Variants in NOVA1 observed in about 807,000 individuals in gnomAD.
The protein encoded by NOVA1 is NOVA alternative splicing regulator 1.
A neutral mutation model predicts 38.0 loss-of-function variants in NOVA1; 7 were observed. The observed-to-expected ratio is 0.18, with a 90% confidence interval of 0.10 to 0.35. NOVA1 has a LOEUF of 0.35. NOVA1 is among the 10% of genes least tolerant of loss of function. The pLI is 1.00. For missense variants in NOVA1, 460 were observed against 616.0 expected (o/e 0.75, Z 2.68); for synonymous variants, 270 against 232.5 (o/e 1.16, Z -1.47).
chr14:26,591,706 A>G (rs188194175), intron 2 of NOVA1, among the ~76,000 whole-genome samples: 1 of 151,586 alleles, frequency 6.6e-6, no homozygotes, highest in East Asian at 1.9e-4. Flanking sequence ...TGGCCACTAT[A>G]TTTTCCCCTT....
intron 2 of NOVA1, among the ~76,000 whole-genome samples, chr14:26,487,391 C>A (rs1886001118): frequency 6.6e-6 from 1 of 152,062 alleles, no homozygotes; most frequent in Non-Finnish European, 1.5e-5. Context: ...TCCTTATCTT[C>A]ATAAGCCAAT....
intron 4 of NOVA1, among the ~76,000 whole-genome samples, chr14:26,453,649 CT>C (rs1272890456): frequency 6.6e-6 from 1 of 152,034 alleles, no homozygotes; most frequent in African/African-American, 2.4e-5. Flanking sequence ...GATATATTTA[CT>C]CTTTCAACAA....
intron 2 of NOVA1, among the ~76,000 whole-genome samples, chr14:26,580,872 C>A (rs1162551874): frequency 1.3e-5 from 2 of 151,842 alleles, no homozygotes; most frequent in African/African-American, 4.8e-5. Context: ...TTTAGGGCCA[C>A]ATTAATGTAA....
chr14:26,527,408 A>AC (rs1357850329), intron 2 of NOVA1, among the ~76,000 whole-genome samples: 2 of 152,112 alleles, frequency 1.3e-5, no homozygotes, highest in African/African-American at 4.8e-5. Flanking sequence ...TCAGACTTGC[A>AC]CTGCCTTGGT....
chr14:26,588,637 CT>C (rs983973361), intron 2 of NOVA1, among the ~76,000 whole-genome samples: 61 of 151,368 alleles, frequency 4.0e-4, no homozygotes, highest in African/African-American at 1.4e-3. Context: ...ACTTTGCAGT[CT>C]TAAAATGTTT....
At chr14:26,485,269 G>T (rs1448549993) in intron 2 of NOVA1, among the ~76,000 whole-genome samples, 2 of 151,914 alleles carry the variant, frequency 1.3e-5, no homozygotes, top group Non-Finnish European at 2.9e-5. Context: ...ATATGTGATT[G>T]ATTTCTAAGG....
chr14:26,560,639 T>C (rs962787035), intron 2 of NOVA1, among the ~76,000 whole-genome samples: 8 of 152,128 alleles, frequency 5.3e-5, no homozygotes, highest in African/African-American at 1.9e-4. Context: ...GGAAATCTCA[T>C]CCCTGACTCT....
chr14:26,504,372 A>T (rs1163997831), intron 2 of NOVA1, among the ~76,000 whole-genome samples: 3 of 152,226 alleles, frequency 2.0e-5, no homozygotes, highest in Non-Finnish European at 4.4e-5. Context: ...TAGAAACCTC[A>T]ATTAATCAAA....
intron 2 of NOVA1, among the ~76,000 whole-genome samples, chr14:26,536,411 C>A (rs1473102119): frequency 6.6e-6 from 1 of 150,982 alleles, no homozygotes; most frequent in South Asian, 2.1e-4. Flanking sequence ...GGAAGGATAC[C>A]CCCTTGCTAA....
intron 2 of NOVA1, among the ~76,000 whole-genome samples, chr14:26,527,536 T>G (rs1889394792): frequency 6.6e-6 from 1 of 152,040 alleles, no homozygotes; most frequent in Non-Finnish European, 1.5e-5. Context: ...CCTTAGTGAT[T>G]CTCTAACACG....
intron 2 of NOVA1, among the ~76,000 whole-genome samples, chr14:26,547,734 T>G (rs2138626767): frequency 6.6e-6 from 1 of 152,190 alleles, no homozygotes; most frequent in African/African-American, 2.4e-5. Flanking sequence ...CTGTAGAAAG[T>G]GCCAAAGAAT....
At position 26,451,624 on chromosome 14, in the gene NOVA1, C is replaced by T. The variant is rs533024371; in HGVS notation, c.520-2661G>A. Among the ~76,000 whole-genome samples the T allele has an allele frequency of 1.5e-4, 23 of 152,196 alleles. No individual in the cohort carries two copies. The East Asian group carries it at 3.5e-3, about 23-fold the overall frequency. ...CTGACCTCAGGTGATCCGCCTGCCT[C>T]GGCCACCCAAAATGCTGGGATTACA... is the stretch of plus-strand genomic sequence containing the variant. On this transcript the variant is annotated intron_variant, in intron 4 of 4. Transcript: ENST00000539517.
intron 2 of NOVA1, among the ~76,000 whole-genome samples, chr14:26,525,989 G>A (rs940318455): frequency 6.6e-6 from 1 of 151,512 alleles, no homozygotes; most frequent in Middle Eastern, 3.4e-3. Flanking sequence ...CTTTCCACCT[G>A]GTAGTTTTAG....
chr14:26,468,392 G>T (rs1884318482), intron 4 of NOVA1, among the ~76,000 whole-genome samples: 1 of 152,132 alleles, frequency 6.6e-6, no homozygotes, highest in African/African-American at 2.4e-5. Flanking sequence ...AAACCTACAG[G>T]TGAGAATGCA....
At chr14:26,537,029 A>C (rs1653837651) in intron 2 of NOVA1, among the ~76,000 whole-genome samples, 1 of 152,112 alleles carries the variant, frequency 6.6e-6, no homozygotes, top group African/African-American at 2.4e-5. Flanking sequence ...GAAATCCACT[A>C]CTTTATGTTT....
intron 2 of NOVA1, among the ~76,000 whole-genome samples, chr14:26,494,945 G>A (rs1439110517): frequency 3.3e-5 from 5 of 152,156 alleles, no homozygotes; most frequent in Non-Finnish European, 7.3e-5. Context: ...TAAGAGTTAA[G>A]TCTAAACCCT....
At chr14:26,492,847 C>A (rs1886451987) in intron 2 of NOVA1, among the ~76,000 whole-genome samples, 1 of 151,940 alleles carries the variant, frequency 6.6e-6, no homozygotes. Flanking sequence ...CACCTGTAAT[C>A]CCAGTTACTC....
chr14:26,480,514 C>T (rs1885372106), intron 2 of NOVA1, among the ~76,000 whole-genome samples: 1 of 152,070 alleles, frequency 6.6e-6, no homozygotes, highest in Non-Finnish European at 1.5e-5. Context: ...GCTTACTCTT[C>T]AGGGGGAAAA....
chr14:26,504,168 T>A (rs1258000252), intron 2 of NOVA1, among the ~76,000 whole-genome samples: 2 of 152,136 alleles, frequency 1.3e-5, no homozygotes, highest in African/African-American at 4.8e-5. Flanking sequence ...TCAACTGGCT[T>A]TTCTGATGTC....
Sources: allele counts gnomAD v4.1 joint callset (sites outside exome capture counted in the v4.1 genomes callset), GRCh38; gene constraint gnomAD v4.1.1; transcripts MANE v1.5; gene names NCBI Gene and HGNC (gene_info 2026-07-23, HGNC 2026-07-21).